NTNG2: variants seen among roughly 807,000 people sequenced by gnomAD.
NTNG2 encodes the protein netrin G2.
Under a neutral mutation model 47.6 loss-of-function variants are expected in NTNG2, and 15 were observed. The ratio of observed to expected loss-of-function variants is 0.32; its 90% CI spans 0.21 to 0.49. NTNG2 has a LOEUF of 0.49. Ranked by LOEUF, NTNG2 falls within the 20% of genes least tolerant of loss-of-function variation. The pLI is 0.99. For missense variants in NTNG2, 578 were observed against 764.6 expected, an observed-to-expected ratio of 0.76 and a Z score of 2.88; for synonymous variants, 307 against 324.6, an observed-to-expected ratio of 0.95 and a Z score of 0.58.
chr9:132,226,555 T>C lies in NTNG2; in HGVS notation c.858-294T>C, dbSNP rs1401157168. 8.5e-5 allele frequency among the ~76,000 whole-genome samples: 13 copies of C among 152,186 alleles called. No homozygotes were observed. Among genetic ancestry groups the C allele is most frequent in the Admixed American group, 8.5e-4 (13 of 15,282 alleles). ...GAATCTAGCATCTGGGACAAGGCAGTATCATCACTCTCCCCAACTGAGATG... is the reference window on the plus strand; with the variant it reads ...GAATCTAGCATCTGGGACAAGGCAGCATCATCACTCTCCCCAACTGAGATG... On this transcript the variant is annotated intron_variant, in intron 3 of 7. Transcript: ENST00000393229. The surrounding 1 kb of genome is among the most constrained non-coding windows in gnomAD (Gnocchi z 4.8).
rs532130921 is a variant in NTNG2 at position 132,208,338 on chromosome 9, G to C, written c.857+9729G>C. Among the ~76,000 whole-genome samples the C allele has an allele frequency of 2.0e-5, 3 of 152,304 alleles. No homozygotes were observed. The highest frequency in any genetic ancestry group is 6.5e-5 in the Admixed American group (1 of 15,304). Reference sequence around the variant, plus strand: ...TTCCAAAGAAGAGCAGGCAGGGCCAGATCACGCCAGCCCTGCAGCCCCGGG... The same window carrying C: ...TTCCAAAGAAGAGCAGGCAGGGCCACATCACGCCAGCCCTGCAGCCCCGGG... On this transcript the variant is annotated intron_variant, in intron 3 of 7. Transcript: ENST00000393229. This position sits in a 1 kb window ranked among gnomAD's most constrained non-coding sequence, Gnocchi z 4.0.
intron 3 of NTNG2, among the ~76,000 whole-genome samples, chr9:132,224,379 T>G (rs1021783277): frequency 6.6e-6 from 1 of 152,202 alleles, no homozygotes; most frequent in African/African-American, 2.4e-5. Context: ...TTTTGCCATA[T>G]GCATAATGCC....
intron 3 of NTNG2, among the ~76,000 whole-genome samples, chr9:132,216,136 T>C (rs1839951536): frequency 6.6e-6 from 1 of 152,186 alleles, no homozygotes; most frequent in Admixed American, 6.5e-5. Flanking sequence ...TACCTGGTGC[T>C]GCAGCCCAGC....
chr9:132,174,616 C>A (rs1836268445), intron 2 of NTNG2, among the ~76,000 whole-genome samples: 1 of 152,024 alleles, frequency 6.6e-6, no homozygotes, highest in Non-Finnish European at 1.5e-5. Flanking sequence ...GGAGCCAGCA[C>A]AAAAGGAATG....
At position 132,236,876 on chromosome 9, in the gene NTNG2, A is replaced by AG. The variant is rs1841669166; in HGVS notation, c.1055-2225dup. 6.6e-6 allele frequency among the ~76,000 whole-genome samples: 1 copy of AG among 152,228 alleles called. No homozygotes were observed. The highest frequency in any genetic ancestry group is 2.4e-5 in the African/African-American group (1 of 41,458). ...TGACAGCACTTGCGAGTGGGACTCC[A>AG]GGGACAGCGAAGGATTCACTTCGGC... On this transcript the variant is annotated intron_variant, in intron 5 of 7. Transcript: ENST00000393229. This position sits in a 1 kb window ranked among gnomAD's most constrained non-coding sequence, Gnocchi z 4.3.
chr9:132,185,451 C>T (rs1268261447), intron 2 of NTNG2, among the ~76,000 whole-genome samples: 1 of 152,158 alleles, frequency 6.6e-6, no homozygotes, highest in Non-Finnish European at 1.5e-5. Flanking sequence ...TTCCTCCCTC[C>T]GTGATAAAAT....
chr9:132,189,597 A>G (rs62577492), intron 2 of NTNG2, among the ~76,000 whole-genome samples: 6,525 of 152,042 alleles, frequency 0.043, 197 homozygotes, highest in Middle Eastern at 0.085. Flanking sequence ...AAGGTCAAAG[A>G]GTAACCTTCC....
chr9:132,171,104 G>A (rs887273595), intron 2 of NTNG2, among the ~76,000 whole-genome samples: 10 of 152,136 alleles, frequency 6.6e-5, no homozygotes, highest in Non-Finnish European at 1.3e-4. Context: ...TTGCCAAGGC[G>A]GGGGGTCTGT....
At chr9:132,189,188 T>C (rs1837668399) in intron 2 of NTNG2, among the ~76,000 whole-genome samples, 1 of 147,728 alleles carries the variant, frequency 6.8e-6, no homozygotes, top group Non-Finnish European at 1.5e-5. Context: ...GGGATCTTCC[T>C]ATCTCAGCCA....
Position 132,243,877 on chromosome 9 carries a change from C to T in NTNG2, c.*1766C>T, listed in dbSNP as rs1008142458. On this transcript the variant is annotated 3_prime_UTR_variant, in exon 8 of 8. Transcript: ENST00000393229. ...TGGCCTCCTCTCTCTGCTCCCACCC[C>T]CAGCACCCTGCTGACCCGGAAGTGC... is the stretch of plus-strand genomic sequence containing the variant. The T allele has an allele frequency of 6.5e-6, 1 of 152,730 alleles. No homozygotes were observed. Among genetic ancestry groups the T allele is most frequent in the African/African-American group, 2.4e-5 (1 of 41,468 alleles). The allele number at this position is 152,730 out of a possible 1,614,324, so 9.5% of individuals were successfully genotyped here.
chr9:132,173,239 C>T (rs1446890284), intron 2 of NTNG2, among the ~76,000 whole-genome samples: 1 of 152,222 alleles, frequency 6.6e-6, no homozygotes, highest in East Asian at 1.9e-4. Flanking sequence ...TCTTGAAATG[C>T]CCGAGGCAGG....
At chr9:132,209,112 T>G (rs1402742571) in intron 3 of NTNG2, among the ~76,000 whole-genome samples, 1 of 152,270 alleles carries the variant, frequency 6.6e-6, no homozygotes, top group Non-Finnish European at 1.5e-5. Flanking sequence ...GCTCCCAGTC[T>G]GGGGCGATTA....
chr9:132,214,338 G>A (rs926202206), intron 3 of NTNG2, among the ~76,000 whole-genome samples: 25 of 152,206 alleles, frequency 1.6e-4, no homozygotes, highest in African/African-American at 6.0e-4. Context: ...CAGCTCCCAG[G>A]CACTGCCTGC....
intron 3 of NTNG2, among the ~76,000 whole-genome samples, chr9:132,207,977 G>A (rs1839298479): frequency 1.3e-5 from 2 of 152,120 alleles, no homozygotes; most frequent in African/African-American, 2.4e-5. Context: ...GGTGGTGTGC[G>A]CCTGTGGTCT....
intron 3 of NTNG2, among the ~76,000 whole-genome samples, chr9:132,224,285 T>A (rs1482960426): frequency 6.6e-6 from 1 of 152,200 alleles, no homozygotes. Flanking sequence ...TGTGTTACAA[T>A]GATGAGCTAA....
At chr9:132,204,711 A>G (rs11243667) in intron 3 of NTNG2, among the ~76,000 whole-genome samples, 9,749 of 152,190 alleles carry the variant, frequency 0.064, 949 homozygotes, top group African/African-American at 0.21. Flanking sequence ...GCATTTCCTC[A>G]TTAAGTCCTA....
rs1842043675 is a variant in NTNG2, at chr9:132,242,362, G to A, written c.*251G>A. ...TTTCTTTTGTATTATCCGCCGCCCA[G>A]TTCCTTTTTTGTCTTTCTCTCTCTC... On this transcript the variant is annotated 3_prime_UTR_variant, in exon 8 of 8. Transcript: ENST00000393229. The surrounding 1 kb of genome is among the most constrained non-coding windows in gnomAD (Gnocchi z 5.9). 1.2e-5 allele frequency: 2 copies of A among 165,482 alleles called. No homozygotes were observed. The highest frequency in any genetic ancestry group is 4.8e-5 in the African/African-American group (2 of 41,278). The allele number at this position is 165,482 out of a possible 1,614,324, so 10.3% of individuals were successfully genotyped here.
chr9:132,240,824 T>TC (rs1266645072), intron 6 of NTNG2, 86 bp from the exon 7 acceptor site: 3 of 1,591,548 alleles, frequency 1.9e-6, no homozygotes, highest in Non-Finnish European at 2.6e-6. Context: ...GTGGAGATGC[T>TC]CCCTGCGAGG....
At chr9:132,235,532 T>C (rs1382032867) in intron 5 of NTNG2, among the ~76,000 whole-genome samples, 2 of 152,242 alleles carry the variant, frequency 1.3e-5, no homozygotes, top group Non-Finnish European at 2.9e-5. Context: ...CCTCTCCTTA[T>C]AGTGCTGCTG....
Sources: gnomAD v4.1 joint callset for allele counts (sites outside exome capture counted in the v4.1 genomes callset) on GRCh38, gnomAD v4.1.1 for gene constraint, Gnocchi (gnomAD v3.1) non-coding constraint, MANE v1.5 for transcripts, NCBI Gene and HGNC (gene_info 2026-07-23, HGNC 2026-07-21) for gene names.